Variants in CHST15 observed in about 807,000 individuals in gnomAD.
CHST15 encodes the protein carbohydrate sulfotransferase 15.
Under a neutral mutation model 53.6 loss-of-function variants are expected in CHST15, and 30 were observed. The observed-to-expected ratio is 0.56, with a 90% CI of 0.42 to 0.76. The LOEUF (loss-of-function observed/expected upper bound fraction) is 0.76, where lower values mean the gene tolerates loss of function less well. Among genes scored for constraint, CHST15 ranks in the 30% least tolerant of loss-of-function variants. The pLI is 0.00. For missense variants in CHST15, 627 were observed against 740.5 expected (o/e 0.85, Z 1.78); for synonymous variants, 296 against 289.8 (o/e 1.02, Z -0.22).
intron 1 of CHST15, among the ~76,000 whole-genome samples, chr10:124,091,674 G>A (rs547231603): frequency 4.1e-4 from 63 of 152,348 alleles, no homozygotes; most frequent in Non-Finnish European, 9.1e-4. Flanking sequence ...CCGAGAACTC[G>A]GTACAATTAA....
At chr10:124,060,685 G>T (rs1948543851) in intron 1 of CHST15, among the ~76,000 whole-genome samples, 1 of 152,214 alleles carries the variant, frequency 6.6e-6, no homozygotes, top group Non-Finnish European at 1.5e-5. Flanking sequence ...GAAGCTGTAA[G>T]ACAAACTGAA....
At chr10:124,010,488 AT>A in intron 7 of CHST15, 149 bp from the exon 8 acceptor site, 2 of 1,409,576 alleles carry the variant, frequency 1.4e-6, no homozygotes, top group Non-Finnish European at 1.8e-6. Context: ...GGCTGGATCC[AT>A]TTTGGAAGCA....
At chr10:124,068,681 T>C (rs1249088033) in intron 1 of CHST15, among the ~76,000 whole-genome samples, 1 of 152,218 alleles carries the variant, frequency 6.6e-6, no homozygotes, top group Non-Finnish European at 1.5e-5. Context: ...TATTTTAATG[T>C]CTTCTAAGTC....
In CHST15 at chr10:124,044,886, T is replaced by G; in HGVS notation, c.580A>C (p.Asn194His). 1 of 1,451,624 alleles carries G rather than the reference T, an allele frequency of 6.9e-7. No individual in the cohort carries two copies. The highest frequency in any genetic ancestry group is 1.5e-5 in the South Asian group (1 of 67,270). The allele number at this position is 1,451,624 out of a possible 1,614,324, so 89.9% of individuals were successfully genotyped here. ...TCGTACCAACAGGGGCTCTTACTGT[T>G]TGGAAGGAATTTGTTGGGGATGACT... is the stretch of plus-strand genomic sequence containing the variant. ...FSVIPNKFLP[N>H]SKSPCWYEEF... Residue 194 changes from asparagine (N) to histidine (H), a missense_variant, in exon 3 of 8, where the codon AAC becomes CAC. By Grantham distance (68) the Asn-to-His change is moderately conservative. Around this residue, in one of 3 missense-constraint regions of CHST15, gnomAD observed 187 missense variants for 251.8 expected, o/e 0.74. Coordinates refer to ENST00000435907, the MANE Select transcript of CHST15 (RefSeq NM_001270764.2).
intron 1 of CHST15, among the ~76,000 whole-genome samples, chr10:124,077,239 C>T (rs1949104730): frequency 6.6e-6 from 1 of 152,206 alleles, no homozygotes; most frequent in Admixed American, 6.5e-5. Flanking sequence ...AGAGACCTTT[C>T]CTGGGGCATG....
chr10:124,014,119 C>T (rs1457502792), intron 6 of CHST15, among the ~76,000 whole-genome samples: 1 of 152,238 alleles, frequency 6.6e-6, no homozygotes, highest in Non-Finnish European at 1.5e-5. Context: ...GCTCCCCAGG[C>T]TCCTCCCTGG....
At chr10:124,078,832 C>A (rs2134200883) in intron 1 of CHST15, among the ~76,000 whole-genome samples, 1 of 152,316 alleles carries the variant, frequency 6.6e-6, no homozygotes, top group Non-Finnish European at 1.5e-5. Context: ...TGTCAGTTTC[C>A]TGGCTTTGAT....
In CHST15 at chr10:124,020,324, T is replaced by A. The variant is rs1019320426; in HGVS notation, c.1347+932A>T. ...TGGAAACCTGACCCACACCAATGGC[T>A]GGTTCCAAAGTGTACTCCTCCTACC... On this transcript the variant is annotated intron_variant, in intron 6 of 7. Transcript: ENST00000435907. 4 of 985,376 alleles carry A rather than the reference T, an allele frequency of 4.1e-6. No homozygotes were observed. The African/African-American group carries it at 7.0e-5, about 17-fold the overall frequency. 61.0% of individuals were successfully genotyped at this position (985,376 alleles called of 1,614,324 possible).
chr10:124,063,316 G>T (rs932503614), intron 1 of CHST15, among the ~76,000 whole-genome samples: 1 of 152,110 alleles, frequency 6.6e-6, no homozygotes, highest in Non-Finnish European at 1.5e-5. Flanking sequence ...TCAGGAGGTG[G>T]AGGTTGCAGT....
chr10:124,055,890 T>G (rs1405545729), intron 1 of CHST15, among the ~76,000 whole-genome samples: 1 of 152,150 alleles, frequency 6.6e-6, no homozygotes, highest in African/African-American at 2.4e-5. Context: ...TCATTCACAG[T>G]AAGAAACACC....
intron 1 of CHST15, among the ~76,000 whole-genome samples, chr10:124,088,169 A>G (rs1468341833): frequency 6.6e-6 from 1 of 152,232 alleles, no homozygotes; most frequent in Non-Finnish European, 1.5e-5. Flanking sequence ...ATTAACTCTG[A>G]AAAGACACCC....
rs776429824 is a variant in CHST15 at position 124,021,180 on chromosome 10, C to A, written c.1347+76G>T. On this transcript the variant is annotated intron_variant, in intron 6 of 7. Transcript: ENST00000435907. ...ATGCTGAAACGCAAACCCACAATGC[C>A]GCTTGCATAATAACAACAAACCAGC... The A allele has an allele frequency of 4.5e-6, 7 of 1,555,624 alleles. 1 individual carries two copies. The South Asian group carries it at 8.2e-5, about 18-fold the overall frequency.
rs528516917 is a variant in CHST15 at position 124,007,833 on chromosome 10, A to C, written c.*2316T>G. 2 of 1,232,084 alleles carry C rather than the reference A, an allele frequency of 1.6e-6. No homozygotes were observed. Among genetic ancestry groups the C allele is most frequent in the African/African-American group, 3.1e-5 (2 of 64,452 alleles). The allele number at this position is 1,232,084 out of a possible 1,614,324, so 76.3% of individuals were successfully genotyped here. ...ACGGTCACAACTTTTGAGAACAAAA[A>C]GGAACTTCAATACCATGTTGTGAGA... On this transcript the variant is annotated 3_prime_UTR_variant, in exon 8 of 8. Transcript: ENST00000435907.
At chr10:124,083,006 G>T (rs1949300021) in intron 1 of CHST15, among the ~76,000 whole-genome samples, 1 of 152,196 alleles carries the variant, frequency 6.6e-6, no homozygotes, top group African/African-American at 2.4e-5. Flanking sequence ...TCTAAAATTA[G>T]CTGTGGTAGT....
At chr10:124,086,793 G>A (rs1240733095) in intron 1 of CHST15, among the ~76,000 whole-genome samples, 2 of 152,088 alleles carry the variant, frequency 1.3e-5, no homozygotes, top group African/African-American at 4.8e-5. Context: ...CACCCAACCA[G>A]GTAGAGATCA....
At chr10:124,058,829 T>C (rs1026816337) in intron 1 of CHST15, among the ~76,000 whole-genome samples, 2 of 152,170 alleles carry the variant, frequency 1.3e-5, no homozygotes, top group African/African-American at 4.8e-5. Context: ...TATTGCTGAG[T>C]CACAACAACA....
chr10:124,047,154 A>C (rs1948031742), intron 1 of CHST15, among the ~76,000 whole-genome samples: 3 of 152,344 alleles, frequency 2.0e-5, no homozygotes, highest in Admixed American at 6.5e-5. Flanking sequence ...GAAAAATCTC[A>C]AGAATACTAA....
At chr10:124,078,542 A>C (rs1357417490) in intron 1 of CHST15, among the ~76,000 whole-genome samples, 1 of 152,206 alleles carries the variant, frequency 6.6e-6, no homozygotes, top group Admixed American at 6.5e-5. Flanking sequence ...AATCTCTCAG[A>C]TCTGAGGTAG....
At chr10:124,077,489 G>C (rs866454295) in intron 1 of CHST15, among the ~76,000 whole-genome samples, 1 of 151,904 alleles carries the variant, frequency 6.6e-6, no homozygotes, top group South Asian at 2.1e-4. Flanking sequence ...TCAAATTTAC[G>C]AGCCGAGGCT....
Sources: allele counts gnomAD v4.1 joint callset (sites outside exome capture counted in the v4.1 genomes callset), GRCh38; gene constraint gnomAD v4.1.1; regional missense constraint gnomAD v4.1.1; transcripts MANE v1.5; gene names NCBI Gene and HGNC (gene_info 2026-07-23, HGNC 2026-07-21).